The following UTRN variants were observed in gnomAD, a reference collection of about 807,000 sequenced individuals.
The protein encoded by UTRN is dystrophin-related protein 1.
UTRN carries 283 observed loss-of-function variants against 463.9 expected under a neutral mutation model. The observed-to-expected ratio is 0.61, with a 90% CI of 0.55 to 0.67. UTRN has a LOEUF of 0.67. UTRN is among the 30% of genes least tolerant of loss of function. The pLI is 0.00. For synonymous variants in UTRN, 1,442 were observed against 1,431.5 expected (o/e 1.01, Z -0.17); for missense variants, 3,922 against 4,084.3 (o/e 0.96, Z 1.08).
intron 50 of UTRN, among the ~76,000 whole-genome samples, chr6:144,559,158 C>T (rs1294336181): frequency 6.6e-6 from 1 of 151,352 alleles, no homozygotes; most frequent in East Asian, 1.9e-4. Flanking sequence ...CAGCCTACAG[C>T]AGTAGTTGGA....
At chr6:144,513,246 C>G (rs1292227965) in intron 35 of UTRN, among the ~76,000 whole-genome samples, 1 of 152,080 alleles carries the variant, frequency 6.6e-6, no homozygotes, top group East Asian at 1.9e-4. Context: ...AAAATTATTC[C>G]TTAAATGAGT....
At chr6:144,561,322 ATG>A (rs1490471544) in intron 50 of UTRN, among the ~76,000 whole-genome samples, 2 of 147,210 alleles carry the variant, frequency 1.4e-5, no homozygotes, top group African/African-American at 5.0e-5. Flanking sequence ...ATACACATAT[ATG>A]TGTGTGTTTA....
At chr6:144,622,851 T>C (rs1171409271) in intron 51 of UTRN, among the ~76,000 whole-genome samples, 1 of 152,232 alleles carries the variant, frequency 6.6e-6, no homozygotes, top group Non-Finnish European at 1.5e-5. Flanking sequence ...TATTGGACAA[T>C]GATTGTTGCA....
intron 51 of UTRN, among the ~76,000 whole-genome samples, chr6:144,642,693 C>T (rs1292960732): frequency 6.6e-6 from 1 of 152,182 alleles, no homozygotes; most frequent in African/African-American, 2.4e-5. Context: ...ACAGTCTCCC[C>T]AGCCCAAGAA....
At chr6:144,464,248 A>G (rs992801318) in intron 23 of UTRN, among the ~76,000 whole-genome samples, 2 of 152,174 alleles carry the variant, frequency 1.3e-5, no homozygotes, top group Non-Finnish European at 2.9e-5. Context: ...GGATCCAGCC[A>G]GATTCTCTGA....
chr6:144,695,839 ATAAGT>A (rs1783947992), intron 52 of UTRN, among the ~76,000 whole-genome samples: 1 of 152,200 alleles, frequency 6.6e-6, no homozygotes, highest in African/African-American at 2.4e-5. Flanking sequence ...AAATACACTA[ATAAGT>A]TCTCTGCTGT....
At chr6:144,604,402 T>A (rs1006564479) in intron 51 of UTRN, among the ~76,000 whole-genome samples, 3 of 152,186 alleles carry the variant, frequency 2.0e-5, no homozygotes, top group African/African-American at 7.2e-5. Flanking sequence ...GTTACTATAC[T>A]TCATAAAATT....
At chr6:144,535,396 T>C (rs1469179591) in intron 43 of UTRN, among the ~76,000 whole-genome samples, 2 of 152,146 alleles carry the variant, frequency 1.3e-5, no homozygotes, top group Admixed American at 1.3e-4. Flanking sequence ...TTATACCTTT[T>C]TAAGGAAAAA....
Position 144,748,321 on chromosome 6 carries a change from G to A in UTRN, c.8015G>A (p.Trp2672Ter). The change falls in exon 55 of 75, where the codon TGG (tryptophan) becomes TAG (stop). Residue 2672 changes from tryptophan (W) to a stop codon, truncating the protein, a stop_gained. Transcript: ENST00000367545. LOFTEE classifies it high-confidence loss of function. ...RKQSSEVKEK[W>*]ESLNAVTSNW... ...CAGTCTTCTGAAGTCAAAGAAAAATGGGAAAGTCTAAATGCTGTAACTAGC... is the reference window on the plus strand; with the variant it reads ...CAGTCTTCTGAAGTCAAAGAAAAATAGGAAAGTCTAAATGCTGTAACTAGC... 6.2e-7 allele frequency: 1 copy of A among 1,613,412 alleles called. No individual in the cohort carries two copies. Among genetic ancestry groups the A allele is most frequent in the Non-Finnish European group, 8.5e-7 (1 of 1,179,872 alleles).
chr6:144,560,662 C>T (rs1799785034), intron 50 of UTRN, among the ~76,000 whole-genome samples: 2 of 152,038 alleles, frequency 1.3e-5, no homozygotes, highest in Admixed American at 1.3e-4. Flanking sequence ...TTGCAGTTAG[C>T]CTAAATAATT....
intron 2 of UTRN, among the ~76,000 whole-genome samples, chr6:144,337,867 A>G (rs922132271): frequency 1.3e-5 from 2 of 152,188 alleles, no homozygotes; most frequent in African/African-American, 4.8e-5. Context: ...CACCCGCCTC[A>G]GCTTCCTAAA....
chr6:144,418,131 T>C (rs563616303), intron 3 of UTRN, among the ~76,000 whole-genome samples: 1 of 152,108 alleles, frequency 6.6e-6, no homozygotes, highest in Non-Finnish European at 1.5e-5. Flanking sequence ...CCCAAAATTC[T>C]ATGGCCAATA....
chr6:144,545,396 C>T (rs897619211), intron 46 of UTRN, among the ~76,000 whole-genome samples: 1 of 152,218 alleles, frequency 6.6e-6, no homozygotes, highest in African/African-American at 2.4e-5. Flanking sequence ...TAGTCCAGAA[C>T]ACCATGCATA....
At chr6:144,415,389 G>A (rs943742310) in intron 3 of UTRN, among the ~76,000 whole-genome samples, 1 of 152,076 alleles carries the variant, frequency 6.6e-6, no homozygotes, top group Non-Finnish European at 1.5e-5. Flanking sequence ...TCTCTCTACT[G>A]GAAAATCCAA....
intron 73 of UTRN, among the ~76,000 whole-genome samples, chr6:144,843,972 TTC>T (rs971773202): frequency 6.6e-6 from 1 of 152,196 alleles, no homozygotes; most frequent in Non-Finnish European, 1.5e-5. Context: ...ATGTCTTCTT[TTC>T]AAGAATTCAA....
intron 2 of UTRN, among the ~76,000 whole-genome samples, chr6:144,371,957 A>G (rs374494571): frequency 1.3e-5 from 2 of 152,342 alleles, no homozygotes; most frequent in African/African-American, 2.4e-5. Flanking sequence ...TACCATTTGT[A>G]TTCTGAATTC....
At chr6:144,342,482 G>A (rs917111880) in intron 2 of UTRN, among the ~76,000 whole-genome samples, 1 of 151,982 alleles carries the variant, frequency 6.6e-6, no homozygotes, top group African/African-American at 2.4e-5. Flanking sequence ...CAACCCAAAT[G>A]TTCATGAACT....
chr6:144,630,582 T>TG (rs1776405033), intron 51 of UTRN, among the ~76,000 whole-genome samples: 1 of 152,204 alleles, frequency 6.6e-6, no homozygotes, highest in Admixed American at 6.5e-5. Context: ...CCTGATTCAG[T>TG]TACCTCCCAC....
Position 144,285,665 on chromosome 6 carries a change from C to T in UTRN, c.-249C>T, listed in dbSNP as rs1048152837. On this transcript the variant is annotated 5_prime_UTR_variant, in exon 1 of 75. Transcript: ENST00000367545. ...TTAAAATTTCGGTTCGTGTCTGCTT[C>T]TCCAAGCTTTATTTTTTTTTTTAAA... 6.6e-6 allele frequency: 1 copy of T among 152,144 alleles called. No individual in the cohort carries two copies. The highest frequency in any genetic ancestry group is 6.5e-5 in the Admixed American group (1 of 15,278). The allele number at this position is 152,144 out of a possible 1,614,324, so 9.4% of individuals were successfully genotyped here. A position where few individuals can be genotyped will look rare whatever the true frequency, so the allele number is the denominator to read the frequency against.
Sources: allele counts gnomAD v4.1 joint callset (sites outside exome capture counted in the v4.1 genomes callset), GRCh38; gene constraint gnomAD v4.1.1; transcripts MANE v1.5; gene names NCBI Gene and HGNC (gene_info 2026-07-23, HGNC 2026-07-21).